Variants in OR4K13 observed in about 807,000 individuals in gnomAD.
OR4K13 encodes olfactory receptor family 4 subfamily K member 13, also known as olfactory receptor 4K13.
For missense variants in OR4K13, 403 were observed against 366.0 expected (o/e 1.10, Z -0.82); for synonymous variants, 160 against 134.8 (o/e 1.19, Z -1.30).
chr14:20,032,840 A>T lies in OR4K13; in HGVS notation c.*1004T>A, dbSNP rs1459902282. The stretch of plus-strand genomic sequence containing the variant: ...CAAAGAGTGTCCTATATTTTCTATT[A>T]TATGATCAGACTACATTTGACCTAC... On this transcript the variant is annotated 3_prime_UTR_variant, in exon 2 of 2. Transcript: ENST00000641904. 6.6e-6 allele frequency: 1 copy of T among 152,182 alleles called. No homozygotes were observed. The allele number at this position is 152,182 out of a possible 1,614,324, so 9.4% of individuals were successfully genotyped here.
rs566300518 is a variant in OR4K13, at chr14:20,030,378, A to C, written c.*3466T>G. On this transcript the variant is annotated 3_prime_UTR_variant, in exon 2 of 2. Transcript: ENST00000641904. ...TTTTAAAAAATTAAAATAATAAAAAATAAATTGCTATAAAAGCTCACAAAA... is the reference window on the plus strand; with the variant it reads ...TTTTAAAAAATTAAAATAATAAAAACTAAATTGCTATAAAAGCTCACAAAA... 6.6e-6 allele frequency: 1 copy of C among 152,086 alleles called. No individual in the cohort carries two copies. Among genetic ancestry groups the C allele is most frequent in the South Asian group, 2.1e-4 (1 of 4,828 alleles). 9.4% of individuals were successfully genotyped at this position (152,086 alleles called of 1,614,324 possible). A position where few individuals can be genotyped will look rare whatever the true frequency, so the allele number is the denominator to read the frequency against.
rs762850065 is a variant in OR4K13, at chr14:20,034,077, G to A, written c.682C>T (p.Arg228Cys). 2.5e-5 allele frequency: 41 copies of A among 1,613,894 alleles called. No individual in the cohort carries two copies. Among genetic ancestry groups the A allele is most frequent in the African/African-American group, 5.3e-5 (4 of 74,884 alleles). ...GCCTTAGAGGATCGACTAGCAGCAC[G>A]GTACCTAACTGAGAATATTATGACT... Reference protein sequence around the residue: ...YGVIIFSVRYRAASRSSKAFS... With the variant: ...YGVIIFSVRYCAASRSSKAFS... The change falls in exon 2 of 2, where the codon CGT (arginine) becomes TGT (cysteine). Residue 228 changes from arginine to cysteine, a missense_variant. Transcript: ENST00000641904.
chr14:20,034,465 A>G lies in OR4K13; in HGVS notation c.294T>C (p.Tyr98=), dbSNP rs749362681. The part of the protein sequence containing the change: ...ERKTISWWGC[Y]SQMFFMHLLG... ...GGAGGTGCATAAAGAACATCTGGGA[A>G]TAACATCCCCACCATGAGATGGTCT... Residue 98 remains tyrosine, a synonymous_variant, in exon 2 of 2, where the codon TAT becomes TAC. Coordinates refer to ENST00000641904, the MANE Select transcript of OR4K13 (RefSeq NM_001004714.2). 3 of 1,614,122 alleles carry G rather than the reference A, an allele frequency of 1.9e-6. No individual in the cohort carries two copies. The South Asian group carries it at 3.3e-5, about 18-fold the overall frequency.
Position 20,032,156 on chromosome 14 carries a change from T to C in OR4K13, c.*1688A>G, listed in dbSNP as rs1412998709. ...GGAGGATTCTGCAGCCAGGTTTCCC[T>C]GCCTTGTTTGTTTCAAAATCGGCCC... On this transcript the variant is annotated 3_prime_UTR_variant, in exon 2 of 2. Coordinates refer to ENST00000641904, the MANE Select transcript of OR4K13 (RefSeq NM_001004714.2). The C allele has an allele frequency of 6.6e-6, 1 of 152,276 alleles. No individual in the cohort carries two copies. The highest frequency in any genetic ancestry group is 1.5e-5 in the Non-Finnish European group (1 of 68,062). 9.4% of individuals were successfully genotyped at this position (152,276 alleles called of 1,614,324 possible). A position where few individuals can be genotyped will look rare whatever the true frequency, so the allele number is the denominator to read the frequency against.
In OR4K13 at chr14:20,030,635, A is replaced by G. The variant is rs965439096; in HGVS notation, c.*3209T>C. 10 of 152,168 alleles carry G rather than the reference A, an allele frequency of 6.6e-5. No individual in the cohort carries two copies. Among genetic ancestry groups the G allele is most frequent in the African/African-American group, 2.2e-4 (9 of 41,434 alleles). 9.4% of individuals were successfully genotyped at this position (152,168 alleles called of 1,614,324 possible). On this transcript the variant is annotated 3_prime_UTR_variant, in exon 2 of 2. Transcript: ENST00000641904. ...GACTTAAAACCCCAAGAGTCTTCCT[A>G]CTACTTTCCCTTAATTTTAACCCTG...
In OR4K13 at chr14:20,031,701, T is replaced by G. The variant is rs1005101700; in HGVS notation, c.*2143A>C. 2 of 152,132 alleles carry G rather than the reference T, an allele frequency of 1.3e-5. No homozygotes were observed. The highest frequency in any genetic ancestry group is 2.9e-5 in the Non-Finnish European group (2 of 68,038). The allele number at this position is 152,132 out of a possible 1,614,324, so 9.4% of individuals were successfully genotyped here. A position where few individuals can be genotyped will look rare whatever the true frequency, so the allele number is the denominator to read the frequency against. ...TAAACCTATGGGTATTTTCATAGTA[T>G]GTGTTCAGAAAAGAGCTATTTCTAG... On this transcript the variant is annotated 3_prime_UTR_variant, in exon 2 of 2. Coordinates refer to ENST00000641904, the MANE Select transcript of OR4K13 (RefSeq NM_001004714.2).
Position 20,034,624 on chromosome 14 carries a change from G to A in OR4K13, c.135C>T (p.Ile45=). Residue 45 remains isoleucine (I), a synonymous_variant, in exon 2 of 2, where the codon ATC becomes ATT. Transcript: ENST00000641904. Reference sequence around the variant, plus strand: ...GCGAATCAAAGGTCACAGTCACCAAGATGAGCAGGTTTCCTAACACAATCC... The same window carrying A: ...GCGAATCAAAGGTCACAGTCACCAAAATGAGCAGGTTTCCTAACACAATCC... ...FVGIVLGNLL[I]LVTVTFDSLL... is the part of the protein sequence containing the mutation. 1 of 1,613,998 alleles carries A rather than the reference G, an allele frequency of 6.2e-7. No homozygotes were observed. Among genetic ancestry groups the A allele is most frequent in the Non-Finnish European group, 8.5e-7 (1 of 1,179,986 alleles).
rs1463046861 is a variant in OR4K13, at chr14:20,034,920, T to C, written c.-162A>G. 4 of 611,812 alleles carry C rather than the reference T, an allele frequency of 6.5e-6. No homozygotes were observed. Among genetic ancestry groups the C allele is most frequent in the Non-Finnish European group, 5.7e-6 (2 of 352,474 alleles). 37.9% of individuals were successfully genotyped at this position (611,812 alleles called of 1,614,324 possible). A position where few individuals can be genotyped will look rare whatever the true frequency, so the allele number is the denominator to read the frequency against. Reference sequence around the variant, plus strand: ...ACTTTTGTGGAATTTTGTCAGTCAGTGATTTTACTAATGGCCCAGAGAAGT... The same window carrying C: ...ACTTTTGTGGAATTTTGTCAGTCAGCGATTTTACTAATGGCCCAGAGAAGT... On this transcript the variant is annotated 5_prime_UTR_variant, in exon 2 of 2. Coordinates refer to ENST00000641904, the MANE Select transcript of OR4K13 (RefSeq NM_001004714.2).
rs373021760 is a variant in OR4K13 at position 20,034,343 on chromosome 14, C to T, written c.416G>A (p.Arg139Gln). ...PLHYMTIMSP[R>Q]VLTGLLLSSY... ...GGATAACAGTAGCCCAGTGAGCACC[C>T]GTGGGCTCATGATGGTCATGTAATG... The change falls in exon 2 of 2, where the codon CGG (arginine) becomes CAG (glutamine). Residue 139 changes from arginine to glutamine, a missense_variant. Physicochemically the swap from Arg to Gln is conservative, Grantham distance 43. Coordinates refer to ENST00000641904, the MANE Select transcript of OR4K13 (RefSeq NM_001004714.2). 2.2e-5 allele frequency: 36 copies of T among 1,613,862 alleles called. No individual in the cohort carries two copies. The highest frequency in any genetic ancestry group is 2.6e-5 in the Non-Finnish European group (31 of 1,179,970).
At position 20,033,863 on chromosome 14, in the gene OR4K13, T is replaced by G. The variant is rs1473050283; in HGVS notation, c.896A>C (p.Lys299Thr). Reference protein sequence around the residue: ...LRNQEVKAAIKKRLCI With the variant: ...LRNQEVKAAITKRLCI ...TTAAATTTATATGCAGAGTCTTTTT[T>G]TAATGGCTGCTTTTACCTCTTGATT... The change falls in exon 2 of 2, where the codon AAA (lysine) becomes ACA (threonine). Residue 299 changes from lysine (K) to threonine (T), a missense_variant. Coordinates refer to ENST00000641904, the MANE Select transcript of OR4K13 (RefSeq NM_001004714.2). The G allele has an allele frequency of 6.6e-7, 1 of 1,507,658 alleles. No homozygotes were observed. Among genetic ancestry groups the G allele is most frequent in the African/African-American group, 1.4e-5 (1 of 72,262 alleles). The allele number at this position is 1,507,658 out of a possible 1,614,324, so 93.4% of individuals were successfully genotyped here. A position where few individuals can be genotyped will look rare whatever the true frequency, so the allele number is the denominator to read the frequency against.
At position 20,031,492 on chromosome 14, in the gene OR4K13, TTAG is replaced by T. The variant is rs1417543001; in HGVS notation, c.*2349_*2351del. On this transcript the variant is annotated 3_prime_UTR_variant, in exon 2 of 2. Coordinates refer to ENST00000641904, the MANE Select transcript of OR4K13 (RefSeq NM_001004714.2). Reference sequence around the variant, plus strand: ...ATTATTTGGGAAAAATATTGAGTAGTTAGTAGCTTTCTCTGGCATAAGAAATAC... The same window carrying T: ...ATTATTTGGGAAAAATATTGAGTAGTTAGCTTTCTCTGGCATAAGAAATAC... 2.0e-5 allele frequency: 3 copies of T among 152,164 alleles called. No individual in the cohort carries two copies. The allele number at this position is 152,164 out of a possible 1,614,324, so 9.4% of individuals were successfully genotyped here.
Position 20,034,559 on chromosome 14 carries a change from G to A in OR4K13, c.200C>T (p.Ser67Phe). The A allele has an allele frequency of 6.2e-7, 1 of 1,613,876 alleles. No individual in the cohort carries two copies. The change falls in exon 2 of 2, where the codon TCC (serine) becomes TTC (phenylalanine). Residue 67 changes from serine (S) to phenylalanine (F), a missense_variant. Transcript: ENST00000641904. ...TPMYFLLSNL[S>F]CIDMILASFA... Reference sequence around the variant, plus strand: ...AGAAGCCAGGATCATATCAATGCAGGAGAGGTTGCTAAGCAGAAAATACAT... The same window carrying A: ...AGAAGCCAGGATCATATCAATGCAGAAGAGGTTGCTAAGCAGAAAATACAT...
rs1410271149 is a variant in OR4K13, at chr14:20,031,530, G to A, written c.*2314C>T. The A allele has an allele frequency of 6.6e-6, 1 of 152,126 alleles. No homozygotes were observed. Among genetic ancestry groups the A allele is most frequent in the African/African-American group, 2.4e-5 (1 of 41,412 alleles). The allele number at this position is 152,126 out of a possible 1,614,324, so 9.4% of individuals were successfully genotyped here. ...CTGGCATAAGAAATACATAATAGTAGTTGGTAGCTTTTTTCTTGACATAAG... is the reference window on the plus strand; with the variant it reads ...CTGGCATAAGAAATACATAATAGTAATTGGTAGCTTTTTTCTTGACATAAG... On this transcript the variant is annotated 3_prime_UTR_variant, in exon 2 of 2. Transcript: ENST00000641904.
At position 20,032,367 on chromosome 14, in the gene OR4K13, A is replaced by G. The variant is rs1877441776; in HGVS notation, c.*1477T>C. 6.6e-6 allele frequency: 1 copy of G among 152,172 alleles called. No individual in the cohort carries two copies. The highest frequency in any genetic ancestry group is 1.5e-5 in the Non-Finnish European group (1 of 68,024). 9.4% of individuals were successfully genotyped at this position (152,172 alleles called of 1,614,324 possible). On this transcript the variant is annotated 3_prime_UTR_variant, in exon 2 of 2. Coordinates refer to ENST00000641904, the MANE Select transcript of OR4K13 (RefSeq NM_001004714.2). Reference sequence around the variant, plus strand: ...GTCACAATAATTCAACTTGTACACAAAATGTTTTCTCCATAAAATTGGTTG... The same window carrying G: ...GTCACAATAATTCAACTTGTACACAGAATGTTTTCTCCATAAAATTGGTTG...
Position 20,033,906 on chromosome 14 carries a change from T to C in OR4K13, c.853A>G (p.Ile285Val). 6.3e-7 allele frequency: 1 copy of C among 1,588,932 alleles called. No individual in the cohort carries two copies. The highest frequency in any genetic ancestry group is 8.6e-7 in the Non-Finnish European group (1 of 1,157,940). ...YTIFTPLLNPIIYTLRNQEVK... is the reference protein window; with the variant it reads ...YTIFTPLLNPVIYTLRNQEVK... ...TCTTGATTTCTTAATGTATAAATAA[T>C]AGGATTTAAGAGAGGTGTGAAAATT... The change falls in exon 2 of 2, where the codon ATT (isoleucine) becomes GTT (valine). Residue 285 changes from isoleucine to valine, a missense_variant. Ile to Val is a conservative substitution (Grantham distance 29). Transcript: ENST00000641904.
Position 20,034,225 on chromosome 14 carries a change from G to A in OR4K13, c.534C>T (p.Phe178=), listed in dbSNP as rs1475338800. The A allele has an allele frequency of 1.2e-6, 2 of 1,614,142 alleles. No individual in the cohort carries two copies. The highest frequency in any genetic ancestry group is 1.3e-5 in the African/African-American group (1 of 75,042). The change falls in exon 2 of 2, where the codon TTC becomes TTT. Residue 178 remains phenylalanine (F), a synonymous_variant. Transcript: ENST00000641904. ...GTTTAATCACAAGGGGAAGGTCACA[G>A]AAAAAGCTGTCTATAACATTGGGAC... ...FCGPNVIDSF[F]CDLPLVIKLA...
intron 1 of OR4K13, among the ~76,000 whole-genome samples, chr14:20,035,207 T>G (rs1288806580): frequency 6.6e-6 from 1 of 152,058 alleles, no homozygotes; most frequent in Admixed American, 6.6e-5. Flanking sequence ...AATAAGATAA[T>G]GATTCTGGTG....
At position 20,034,676 on chromosome 14, in the gene OR4K13, A is replaced by T; in HGVS notation, c.83T>A (p.Phe28Tyr). The change falls in exon 2 of 2, where the codon TTC (phenylalanine) becomes TAC (tyrosine). Residue 28 changes from phenylalanine to tyrosine, a missense_variant. By Grantham distance (22) the Phe-to-Tyr change is conservative. Transcript: ENST00000641904. ...SKSQNLQILF[F>Y]LGFSVVFVGI... ...CACGAAGACCACAGAGAATCCCAAG[A>T]AGAATAAAATCTGAAGATTTTGAGA... 6.2e-7 allele frequency: 1 copy of T among 1,613,784 alleles called. No homozygotes were observed. Among genetic ancestry groups the T allele is most frequent in the Middle Eastern group, 1.7e-4 (1 of 6,056 alleles).
Position 20,033,956 on chromosome 14 carries a change from T to C in OR4K13, c.803A>G (p.Asp268Gly). The change falls in exon 2 of 2, where the codon GAT becomes GGT. Residue 268 changes from aspartate (D) to glycine (G), a missense_variant. Coordinates refer to ENST00000641904, the MANE Select transcript of OR4K13 (RefSeq NM_001004714.2). Reference protein sequence around the residue: ...YVWPFSRYSVDKILSVFYTIF... With the variant: ...YVWPFSRYSVGKILSVFYTIF... ...TGTGTAAAACACAGAAAGAATTTTATCTACCGAGTATCTGCTGAAGGGCCA... is the reference window on the plus strand; with the variant it reads ...TGTGTAAAACACAGAAAGAATTTTACCTACCGAGTATCTGCTGAAGGGCCA... 4 of 1,613,014 alleles carry C rather than the reference T, an allele frequency of 2.5e-6. No individual in the cohort carries two copies. Among genetic ancestry groups the C allele is most frequent in the Non-Finnish European group, 3.4e-6 (4 of 1,179,058 alleles).
Sources: allele counts gnomAD v4.1 joint callset (sites outside exome capture counted in the v4.1 genomes callset), GRCh38; gene constraint gnomAD v4.1.1; transcripts MANE v1.5; gene names NCBI Gene and HGNC (gene_info 2026-07-23, HGNC 2026-07-21).